The following NTRK3 variants were observed in gnomAD, a reference collection of about 807,000 sequenced individuals.
The protein encoded by NTRK3 is NT-3 growth factor receptor.
Under a neutral mutation model 91.7 loss-of-function variants are expected in NTRK3, and 24 were observed. The ratio of observed to expected loss-of-function variants is 0.26; its 90% CI spans 0.19 to 0.37. The LOEUF (loss-of-function observed/expected upper bound fraction) is 0.37. Ranked by LOEUF, NTRK3 falls within the 10% of genes least tolerant of loss-of-function variation. The probability of loss-of-function intolerance (pLI) is 1.00; values close to 1 mark genes in which losing one functional copy is unlikely to be tolerated. For missense variants in NTRK3, 880 were observed against 1,068.9 expected (o/e 0.82, Z 2.46); for synonymous variants, 483 against 404.0 (o/e 1.20, Z -2.34).
rs1402000976 is a variant in NTRK3 at position 88,240,057 on chromosome 15, C to T, written c.248+15849G>A. The stretch of plus-strand genomic sequence containing the variant: ...ACACACACAGCGACACACACAGACA[C>T]ACACACACACACACACAGGAACAAG... On this transcript the variant is annotated intron_variant, in intron 3 of 18. Transcript: ENST00000394480. This position sits in a 1 kb window ranked among gnomAD's most constrained non-coding sequence, Gnocchi z 4.9. Among the ~76,000 whole-genome samples, 1 of 151,026 alleles carries T rather than the reference C, an allele frequency of 6.6e-6. No individual in the cohort carries two copies. Among genetic ancestry groups the T allele is most frequent in the Non-Finnish European group, 1.5e-5 (1 of 67,950 alleles).
chr15:88,241,127 A>C lies in NTRK3; in HGVS notation c.248+14779T>G, dbSNP rs1390724894. ...ACAGTGAGGAAACAGGAACATTAACAAGCTAATGCCATATAGGACACATCG... is the reference window on the plus strand; with the variant it reads ...ACAGTGAGGAAACAGGAACATTAACCAGCTAATGCCATATAGGACACATCG... On this transcript the variant is annotated intron_variant, in intron 3 of 18. Transcript: ENST00000394480. The surrounding 1 kb of genome is among the most constrained non-coding windows in gnomAD (Gnocchi z 4.3). Among the ~76,000 whole-genome samples, 1 of 152,178 alleles carries C rather than the reference A, an allele frequency of 6.6e-6. No homozygotes were observed. Among genetic ancestry groups the C allele is most frequent in the African/African-American group, 2.4e-5 (1 of 41,440 alleles).
At chr15:88,134,827 T>C (rs1239780496) in intron 10 of NTRK3, among the ~76,000 whole-genome samples, 1 of 152,226 alleles carries the variant, frequency 6.6e-6, no homozygotes, top group Admixed American at 6.5e-5. Flanking sequence ...ACCATTACTG[T>C]CTCTGCTTTC....
At chr15:88,062,128 T>G (rs1369016259) in intron 13 of NTRK3, among the ~76,000 whole-genome samples, 1 of 152,208 alleles carries the variant, frequency 6.6e-6, no homozygotes, top group Non-Finnish European at 1.5e-5. Flanking sequence ...GGAGGATGTG[T>G]GTAGGTTATA....
chr15:87,918,053 G>A (rs1400725856), intron 17 of NTRK3, among the ~76,000 whole-genome samples: 1 of 151,672 alleles, frequency 6.6e-6, no homozygotes, highest in Non-Finnish European at 1.5e-5. Context: ...CTTACAAACT[G>A]CAAGTGGCTT....
chr15:88,144,763 C>T (rs2042728749), intron 6 of NTRK3, among the ~76,000 whole-genome samples: 1 of 152,140 alleles, frequency 6.6e-6, no homozygotes, highest in African/African-American at 2.4e-5. Flanking sequence ...ACCTCACACA[C>T]ATTAGATGCT....
At chr15:87,904,767 A>G (rs1032778706) in intron 17 of NTRK3, among the ~76,000 whole-genome samples, 1 of 152,238 alleles carries the variant, frequency 6.6e-6, no homozygotes, top group African/African-American at 2.4e-5. Flanking sequence ...AAATATAACC[A>G]GACACTTCTC....
chr15:88,182,376 A>T (rs775594038), intron 5 of NTRK3, among the ~76,000 whole-genome samples: 1 of 151,916 alleles, frequency 6.6e-6, no homozygotes, highest in Non-Finnish European at 1.5e-5. Flanking sequence ...CCTACCCTCC[A>T]CTTCCCACAG....
chr15:87,873,919 C>G (rs890846805), exon 19 of NTRK3: 3 of 230,398 alleles, frequency 1.3e-5, no homozygotes, highest in Non-Finnish European at 2.6e-5. Flanking sequence ...AACTGCCCCC[C>G]ACCTATGCAA....
At chr15:87,950,709 T>C (rs1334526455) in intron 14 of NTRK3, among the ~76,000 whole-genome samples, 1 of 152,234 alleles carries the variant, frequency 6.6e-6, no homozygotes, top group African/African-American at 2.4e-5. Flanking sequence ...AAATCATGTG[T>C]ACAGTCGTAC....
chr15:88,009,506 A>G (rs2076721334), intron 14 of NTRK3, among the ~76,000 whole-genome samples: 1 of 152,228 alleles, frequency 6.6e-6, no homozygotes, highest in Non-Finnish European at 1.5e-5. Context: ...TCTATCTTTC[A>G]AGAGAAACTG....
At chr15:88,095,018 C>T (rs1237330100) in intron 13 of NTRK3, among the ~76,000 whole-genome samples, 3 of 152,204 alleles carry the variant, frequency 2.0e-5, no homozygotes, top group East Asian at 3.9e-4. Flanking sequence ...TACCCATTAC[C>T]TGGGAGCTGT....
At chr15:88,058,873 A>G (rs1299716046) in intron 13 of NTRK3, among the ~76,000 whole-genome samples, 1 of 152,178 alleles carries the variant, frequency 6.6e-6, no homozygotes, top group Non-Finnish European at 1.5e-5. Flanking sequence ...GGGAGGACCT[A>G]GTTGTCAGCC....
intron 14 of NTRK3, among the ~76,000 whole-genome samples, chr15:87,983,428 C>T (rs1254521378): frequency 6.6e-6 from 1 of 152,130 alleles, no homozygotes; most frequent in Non-Finnish European, 1.5e-5. Context: ...GAGCAGGGAG[C>T]CCCGAGCAAT....
chr15:88,016,239 A>G (rs2077223565), intron 14 of NTRK3, among the ~76,000 whole-genome samples: 1 of 152,210 alleles, frequency 6.6e-6, no homozygotes, highest in Non-Finnish European at 1.5e-5. Flanking sequence ...TGTTTTCTAA[A>G]GAGACATAGA....
intron 3 of NTRK3, among the ~76,000 whole-genome samples, chr15:88,238,108 C>G (rs951468467): frequency 6.6e-6 from 1 of 152,058 alleles, no homozygotes; most frequent in Non-Finnish European, 1.5e-5. Flanking sequence ...AGTGAGAAGG[C>G]GACCGTCTGC....
At chr15:88,213,435 A>C (rs1033112667) in intron 3 of NTRK3, among the ~76,000 whole-genome samples, 1 of 152,212 alleles carries the variant, frequency 6.6e-6, no homozygotes, top group Non-Finnish European at 1.5e-5. Context: ...ACACGTGTCC[A>C]CTTGAGATGC....
intron 13 of NTRK3, among the ~76,000 whole-genome samples, chr15:88,039,450 A>G (rs1038763031): frequency 7.2e-5 from 11 of 152,200 alleles, no homozygotes; most frequent in African/African-American, 2.4e-4. Context: ...TAACAGAACC[A>G]TTGGATAACT....
intron 13 of NTRK3, among the ~76,000 whole-genome samples, chr15:88,061,853 A>G (rs2046248567): frequency 6.6e-6 from 1 of 152,190 alleles, no homozygotes; most frequent in Admixed American, 6.5e-5. Context: ...CCTCTTCCTC[A>G]TGCTGTGGCC....
At chr15:87,939,005 G>A (rs921258715) in intron 15 of NTRK3, among the ~76,000 whole-genome samples, 1 of 152,240 alleles carries the variant, frequency 6.6e-6, no homozygotes, top group East Asian at 1.9e-4. Context: ...AATAAAAAAA[G>A]TTATTGGAAA....
Sources: gnomAD v4.1 joint callset for allele counts (sites outside exome capture counted in the v4.1 genomes callset) on GRCh38, gnomAD v4.1.1 for gene constraint, Gnocchi (gnomAD v3.1) non-coding constraint, MANE v1.5 for transcripts, NCBI Gene and HGNC (gene_info 2026-07-23, HGNC 2026-07-21) for gene names.